Variants in ERBB4 observed in about 807,000 individuals in gnomAD.
ERBB4 encodes receptor tyrosine-protein kinase erbB-4.
ERBB4 carries 42 observed loss-of-function variants against 158.0 expected under a neutral mutation model. The observed-to-expected ratio is 0.27, with a 90% confidence interval of 0.21 to 0.34. ERBB4 has a LOEUF of 0.34. Ranked by LOEUF, ERBB4 falls within the 10% of genes least tolerant of loss-of-function variation. The probability of loss-of-function intolerance (pLI) is 1.00; values close to 1 mark genes in which losing one functional copy is unlikely to be tolerated. For synonymous variants in ERBB4, 583 were observed against 558.7 expected (o/e 1.04, Z -0.61); for missense variants, 1,333 against 1,624.1 (o/e 0.82, Z 3.08).
chr2:212,260,442 C>T (rs147632264), intron 1 of ERBB4, among the ~76,000 whole-genome samples: 2 of 152,246 alleles, frequency 1.3e-5, no homozygotes, highest in African/African-American at 2.4e-5. Flanking sequence ...AGAGGACAAA[C>T]ATTTGGTCTA....
chr2:212,126,874 A>G (rs1033667226), intron 1 of ERBB4, among the ~76,000 whole-genome samples: 2 of 152,320 alleles, frequency 1.3e-5, no homozygotes, highest in Non-Finnish European at 1.5e-5. Context: ...GACCACCTTA[A>G]AGCCTGTTTT....
At chr2:211,685,291 A>C (rs2072518157) in intron 12 of ERBB4, among the ~76,000 whole-genome samples, 2 of 152,174 alleles carry the variant, frequency 1.3e-5, no homozygotes, top group Admixed American at 6.5e-5. Context: ...CCTGTTTTGA[A>C]AGTTAATGTT....
intron 3 of ERBB4, 67 bp from the exon 4 acceptor site, chr2:211,788,226 A>T: frequency 8.4e-7 from 1 of 1,189,806 alleles, no homozygotes; most frequent in Non-Finnish European, 1.2e-6. Context: ...TAATCAACAA[A>T]AGTGATTTGC....
At chr2:211,869,852 T>C (rs2078299003) in intron 3 of ERBB4, among the ~76,000 whole-genome samples, 1 of 152,180 alleles carries the variant, frequency 6.6e-6, no homozygotes, top group African/African-American at 2.4e-5. Context: ...AGAAGTTTCT[T>C]CTGAAAATAG....
chr2:212,329,635 G>A (rs192080720), intron 1 of ERBB4, among the ~76,000 whole-genome samples: 24 of 152,168 alleles, frequency 1.6e-4, no homozygotes, highest in African/African-American at 5.8e-4. Context: ...TTCATCAGGT[G>A]TAGGATATGT....
At position 211,906,529 on chromosome 2, in the gene ERBB4, A is replaced by T. The variant is rs112946278; in HGVS notation, c.421+40901T>A. Among the ~76,000 whole-genome samples the T allele has an allele frequency of 4.6e-4, 68 of 147,618 alleles. 5 individuals carry two copies. Among genetic ancestry groups the T allele is most frequent in the Non-Finnish European group, 8.2e-4 (54 of 66,126 alleles). ...TTAAAAGAAGAAAGTATAAATATTGATATCTATGATAGATAGATATCATAA... is the reference window on the plus strand; with the variant it reads ...TTAAAAGAAGAAAGTATAAATATTGTTATCTATGATAGATAGATATCATAA... On this transcript the variant is annotated intron_variant, in intron 3 of 27. Coordinates refer to ENST00000342788, the MANE Select transcript of ERBB4 (RefSeq NM_005235.3).
intron 4 of ERBB4, among the ~76,000 whole-genome samples, chr2:211,762,432 G>A (rs1334132964): frequency 2.6e-5 from 4 of 152,168 alleles, no homozygotes; most frequent in East Asian, 1.9e-4. Context: ...CTGGAACTTC[G>A]GGCTCTTGTA....
At chr2:212,445,008 T>A (rs1177762394) in intron 1 of ERBB4, among the ~76,000 whole-genome samples, 1 of 151,814 alleles carries the variant, frequency 6.6e-6, no homozygotes, top group Non-Finnish European at 1.5e-5. Flanking sequence ...CATCATGGTA[T>A]TCCACAAAGC....
At chr2:212,078,021 G>T (rs961479680) in intron 2 of ERBB4, among the ~76,000 whole-genome samples, 1 of 151,942 alleles carries the variant, frequency 6.6e-6, no homozygotes, top group South Asian at 2.1e-4. Context: ...CATCAAGAAG[G>T]AAAGAAAGTA....
chr2:211,465,172 C>T (rs7577242), intron 20 of ERBB4, among the ~76,000 whole-genome samples: 1 of 151,622 alleles, frequency 6.6e-6, no homozygotes, highest in African/African-American at 2.4e-5. Flanking sequence ...AAGCCAGTTC[C>T]GTGCTTTAAA....
intron 2 of ERBB4, among the ~76,000 whole-genome samples, chr2:211,988,694 C>A (rs2081997771): frequency 6.6e-6 from 1 of 152,038 alleles, no homozygotes; most frequent in Non-Finnish European, 1.5e-5. Context: ...AAGCAAAAGA[C>A]TATGCTCTTC....
intron 2 of ERBB4, among the ~76,000 whole-genome samples, chr2:211,997,866 A>C (rs1338204127): frequency 2.0e-5 from 3 of 149,794 alleles, no homozygotes; most frequent in Non-Finnish European, 4.4e-5. Context: ...GAATTATTTC[A>C]TATAGCCTAT....
chr2:211,465,675 G>T (rs752872519), intron 20 of ERBB4, among the ~76,000 whole-genome samples: 3 of 152,044 alleles, frequency 2.0e-5, no homozygotes, highest in Non-Finnish European at 4.4e-5. Context: ...AATCTATCTT[G>T]AACAAATGAC....
chr2:211,972,592 A>G (rs958874823), intron 2 of ERBB4, among the ~76,000 whole-genome samples: 1 of 152,158 alleles, frequency 6.6e-6, no homozygotes, highest in African/African-American at 2.4e-5. Flanking sequence ...GAACCCAGAA[A>G]AAAGACCACA....
intron 19 of ERBB4, among the ~76,000 whole-genome samples, chr2:211,583,262 T>TG (rs2068157194): frequency 6.6e-6 from 1 of 152,014 alleles, no homozygotes; most frequent in Non-Finnish European, 1.5e-5. Context: ...TCATACTACA[T>TG]GACATTCAGA....
At chr2:211,542,383 T>C (rs1357907240) in intron 20 of ERBB4, among the ~76,000 whole-genome samples, 3 of 151,962 alleles carry the variant, frequency 2.0e-5, no homozygotes, top group African/African-American at 7.2e-5. Flanking sequence ...AAGGCTCTTC[T>C]TGGATTCTGA....
At chr2:212,037,575 T>C (rs965874089) in intron 2 of ERBB4, among the ~76,000 whole-genome samples, 3 of 152,174 alleles carry the variant, frequency 2.0e-5, no homozygotes, top group East Asian at 3.8e-4. Flanking sequence ...AGTGGACACA[T>C]TGGGTGTTCC....
chr2:211,861,472 GGATTACAGACAC>G lies in ERBB4; in HGVS notation c.422-73325_422-73314del, dbSNP rs1032166750. On this transcript the variant is annotated intron_variant, in intron 3 of 27. Transcript: ENST00000342788. Reference sequence around the variant, plus strand: ...CCCACTTCAGCCTCTCGAAGTGCTAGGATTACAGACACGAGTCACTACACCCAGCCCAAAAAC... The same window carrying G: ...CCCACTTCAGCCTCTCGAAGTGCTAGGAGTCACTACACCCAGCCCAAAAAC... 2.0e-5 allele frequency among the ~76,000 whole-genome samples: 3 copies of G among 150,086 alleles called. No individual in the cohort carries two copies. In the East Asian group the frequency reaches 5.9e-4, roughly 30 times the overall value.
At chr2:212,465,104 G>A (rs1359770613) in intron 1 of ERBB4, among the ~76,000 whole-genome samples, 1 of 152,084 alleles carries the variant, frequency 6.6e-6, no homozygotes, top group South Asian at 2.1e-4. Context: ...CAATATTGAA[G>A]AATTAGCCCA....
Sources: allele counts gnomAD v4.1 joint callset (sites outside exome capture counted in the v4.1 genomes callset), GRCh38; gene constraint gnomAD v4.1.1; transcripts MANE v1.5; gene names NCBI Gene and HGNC (gene_info 2026-07-23, HGNC 2026-07-21).